WWOX: variants seen among roughly 807,000 people sequenced by gnomAD.
WWOX encodes WW domain-containing oxidoreductase.
WWOX carries 69 observed loss-of-function variants against 46.2 expected under a neutral mutation model. The observed-to-expected ratio is 1.49, with a 90% CI of 1.23 to 1.82. WWOX has a LOEUF of 1.82. WWOX is among the 40% of genes most tolerant of loss of function. The pLI, the probability that WWOX is intolerant of heterozygous loss-of-function variation, is 0.00. For synonymous variants in WWOX, 359 were observed against 202.6 expected, an observed-to-expected ratio of 1.77 and a Z score of -6.56; for missense variants, 919 against 542.6, an observed-to-expected ratio of 1.69 and a Z score of -6.89.
At chr16:78,519,183 C>T (rs1471690165) in intron 8 of WWOX, among the ~76,000 whole-genome samples, 8 of 152,196 alleles carry the variant, frequency 5.3e-5, no homozygotes, top group East Asian at 1.9e-4. Context: ...ATCTCTAAAA[C>T]GAGGCTCTTG....
In WWOX at chr16:78,779,942, A is replaced by G. The variant is rs560034391; in HGVS notation, c.1056+347190A>G. The stretch of plus-strand genomic sequence containing the variant: ...CTCTGAATTGCAGCCACAAATCAAT[A>G]ATGAAAAGCTACCAGACCAAGCCCT... On this transcript the variant is annotated intron_variant, in intron 8 of 8. Coordinates refer to ENST00000566780, the MANE Select transcript of WWOX (RefSeq NM_016373.4). 3.3e-5 allele frequency among the ~76,000 whole-genome samples: 5 copies of G among 152,328 alleles called. No individual in the cohort carries two copies. In the East Asian group the frequency reaches 9.6e-4, roughly 29 times the overall value.
intron 8 of WWOX, among the ~76,000 whole-genome samples, chr16:78,518,806 G>C (rs1019681551): frequency 2.6e-5 from 4 of 152,182 alleles, no homozygotes; most frequent in Non-Finnish European, 5.9e-5. Context: ...CCTTTAGCTG[G>C]GTGGTAGAGA....
chr16:78,387,426 T>G (rs1230384455), intron 6 of WWOX, among the ~76,000 whole-genome samples: 1 of 151,908 alleles, frequency 6.6e-6, no homozygotes, highest in Non-Finnish European at 1.5e-5. Context: ...CCAAAAAACA[T>G]GGACTCACAT....
intron 8 of WWOX, among the ~76,000 whole-genome samples, chr16:78,602,584 A>G (rs1366543804): frequency 6.6e-6 from 1 of 152,168 alleles, no homozygotes; most frequent in Non-Finnish European, 1.5e-5. Flanking sequence ...TGCTGGTAGC[A>G]TCATCCCTTT....
chr16:78,501,618 C>T (rs1241969343), intron 8 of WWOX, among the ~76,000 whole-genome samples: 2 of 151,774 alleles, frequency 1.3e-5, no homozygotes, highest in African/African-American at 2.4e-5. Context: ...CTCACTGCAA[C>T]CTCTGTCTCC....
intron 8 of WWOX, among the ~76,000 whole-genome samples, chr16:78,871,427 C>T (rs1292573596): frequency 6.6e-6 from 1 of 152,140 alleles, no homozygotes; most frequent in East Asian, 1.9e-4. Flanking sequence ...TTGGCACAGG[C>T]TTCGATGAAG....
chr16:79,167,000 G>A (rs150501823), intron 8 of WWOX, among the ~76,000 whole-genome samples: 35 of 152,092 alleles, frequency 2.3e-4, no homozygotes, highest in African/African-American at 8.4e-4. Context: ...GGAGTGCATG[G>A]CCTGATCTCT....
intron 8 of WWOX, among the ~76,000 whole-genome samples, chr16:79,172,647 C>A (rs145665423): frequency 6.6e-6 from 1 of 152,282 alleles, no homozygotes; most frequent in African/African-American, 2.4e-5. Context: ...ATGGCAAAGA[C>A]AAACTGTGAG....
chr16:78,462,793 T>C (rs367553772), intron 8 of WWOX, among the ~76,000 whole-genome samples: 151 of 152,336 alleles, frequency 9.9e-4, no homozygotes, highest in African/African-American at 3.5e-3. Context: ...ACGCTTCCCT[T>C]GATTAGCTCT....
In WWOX at chr16:78,410,698, TG is replaced by T. The variant is rs1235046557; in HGVS notation, c.606-14166del. ...GCACATGCATGTAATCCCAGTTAGT[TG>T]GGGGGCTAAGGCTGGAGAACAGCTT... On this transcript the variant is annotated intron_variant, in intron 6 of 8. Transcript: ENST00000566780. Among the ~76,000 whole-genome samples, 7 of 147,524 alleles carry T rather than the reference TG, an allele frequency of 4.7e-5. No individual in the cohort carries two copies. In the South Asian group the frequency reaches 6.7e-4, roughly 14 times the overall value.
At chr16:79,049,825 ACT>A (rs1043045183) in intron 8 of WWOX, among the ~76,000 whole-genome samples, 1 of 139,794 alleles carries the variant, frequency 7.2e-6, no homozygotes, top group African/African-American at 2.7e-5. Context: ...ACAGAGTGAG[ACT>A]CTGTCTCAAA....
At chr16:78,161,808 A>C (rs1173458221) in intron 4 of WWOX, among the ~76,000 whole-genome samples, 1 of 152,164 alleles carries the variant, frequency 6.6e-6, no homozygotes, top group Non-Finnish European at 1.5e-5. Flanking sequence ...GTAGAGATTT[A>C]CATCTTGCAT....
chr16:78,969,871 A>T (rs564480922), intron 8 of WWOX, among the ~76,000 whole-genome samples: 2 of 152,166 alleles, frequency 1.3e-5, no homozygotes, highest in Non-Finnish European at 2.9e-5. Context: ...ATTTGGGATT[A>T]ACAGCTAAAG....
chr16:78,830,716 C>T lies in WWOX; in HGVS notation c.1057-380892C>T, dbSNP rs111414790. On this transcript the variant is annotated intron_variant, in intron 8 of 8. Transcript: ENST00000566780. ...GTGCAGCTTTCTGGGCTGTTCAGGT[C>T]GATTTGGCCAAGCAGGACGGCATCA... 3.0e-3 allele frequency among the ~76,000 whole-genome samples: 458 copies of T among 151,756 alleles called. 9 individuals carry two copies. In the East Asian group the frequency reaches 0.059, roughly 19 times the overall value.
chr16:78,570,713 G>C (rs2044694991), intron 8 of WWOX, among the ~76,000 whole-genome samples: 1 of 152,154 alleles, frequency 6.6e-6, no homozygotes, highest in African/African-American at 2.4e-5. Flanking sequence ...TACAGAGTGT[G>C]CATTTCAGTG....
chr16:78,393,853 A>T (rs1241251598), intron 6 of WWOX, among the ~76,000 whole-genome samples: 3 of 138,774 alleles, frequency 2.2e-5, no homozygotes, highest in Admixed American at 2.0e-4. Context: ...TTTTTAATTA[A>T]AAAAAAGGTT....
At chr16:78,312,061 C>G (rs1185756606) in intron 5 of WWOX, among the ~76,000 whole-genome samples, 1 of 152,102 alleles carries the variant, frequency 6.6e-6, no homozygotes, top group African/African-American at 2.4e-5. Context: ...ATTGGGCTGA[C>G]TCCTTCAATG....
At chr16:78,153,101 C>A (rs571889744) in intron 4 of WWOX, among the ~76,000 whole-genome samples, 2 of 152,096 alleles carry the variant, frequency 1.3e-5, no homozygotes, top group Non-Finnish European at 2.9e-5. Context: ...TTAGTAAGCA[C>A]GATCTCTAAC....
intron 8 of WWOX, among the ~76,000 whole-genome samples, chr16:78,607,512 A>C (rs1050350917): frequency 6.6e-6 from 1 of 152,230 alleles, no homozygotes; most frequent in African/African-American, 2.4e-5. Context: ...GCTGTAATTT[A>C]GCAAAGTCTT....
Sources: gnomAD v4.1 joint callset for allele counts (sites outside exome capture counted in the v4.1 genomes callset) on GRCh38, gnomAD v4.1.1 for gene constraint, MANE v1.5 for transcripts, NCBI Gene and HGNC (gene_info 2026-07-23, HGNC 2026-07-21) for gene names.